EPM2A: variants seen among roughly 807,000 people sequenced by gnomAD.
The protein encoded by EPM2A is EPM2A glucan phosphatase, laforin, also known as laforin.
In EPM2A, 21 loss-of-function variants were observed where a neutral mutation model predicts 26.5. The observed-to-expected ratio is 0.79, with a 90% CI of 0.56 to 1.14. EPM2A has a LOEUF of 1.14. Ranked by LOEUF, EPM2A falls within the 50% of genes most tolerant of loss-of-function variation. EPM2A has a pLI of 0.00. For missense variants in EPM2A, 458 were observed against 440.8 expected (o/e 1.04, Z -0.35); for synonymous variants, 217 against 177.6 (o/e 1.22, Z -1.76).
intron 2 of EPM2A, among the ~76,000 whole-genome samples, chr6:145,549,660 C>A (rs2114802592): frequency 6.6e-6 from 1 of 152,236 alleles, no homozygotes; most frequent in African/African-American, 2.4e-5. Context: ...GGTAGCAGAG[C>A]TGAGCATAGG....
At chr6:145,735,033 A>T in intron 1 of EPM2A, 165 bp downstream of exon 1, 1 of 399,938 alleles carries the variant, frequency 2.5e-6, no homozygotes, top group Non-Finnish European at 4.3e-6. Flanking sequence ...TGGCCGGCAG[A>T]GCAGGGTCAG....
At chr6:145,563,989 A>C (rs1231851119) in intron 2 of EPM2A, among the ~76,000 whole-genome samples, 1 of 152,212 alleles carries the variant, frequency 6.6e-6, no homozygotes, top group East Asian at 1.9e-4. Flanking sequence ...ACAATGGTGT[A>C]GTATTTGCAT....
intron 2 of EPM2A, among the ~76,000 whole-genome samples, chr6:145,511,354 C>T (rs989185074): frequency 7.9e-5 from 12 of 152,184 alleles, no homozygotes; most frequent in African/African-American, 2.9e-4. Flanking sequence ...CAAAAATCCT[C>T]AGCAATATAC....
At chr6:145,561,375 G>A (rs2114814769) in intron 2 of EPM2A, among the ~76,000 whole-genome samples, 1 of 152,174 alleles carries the variant, frequency 6.6e-6, no homozygotes, top group East Asian at 1.9e-4. Flanking sequence ...TTCTCAGAAG[G>A]CATCCCCATT....
At chr6:145,724,505 T>C (rs1017431543) in intron 1 of EPM2A, among the ~76,000 whole-genome samples, 2 of 151,984 alleles carry the variant, frequency 1.3e-5, no homozygotes, top group African/African-American at 4.8e-5. Context: ...AGTCAACAAC[T>C]GAATCTAAAA....
chr6:145,385,549 T>C (rs1264415237), intron 4 of EPM2A, among the ~76,000 whole-genome samples: 2 of 152,182 alleles, frequency 1.3e-5, no homozygotes, highest in South Asian at 2.1e-4. Context: ...TTATGTTACA[T>C]AGCAAATACT....
intron 4 of EPM2A, among the ~76,000 whole-genome samples, chr6:145,467,946 A>G (rs1252154625): frequency 2.0e-5 from 3 of 151,980 alleles, no homozygotes; most frequent in African/African-American, 7.2e-5. Flanking sequence ...CTTAGTTTTA[A>G]TAGTTTTTTT....
At chr6:145,411,960 C>T (rs1240443025) in intron 4 of EPM2A, among the ~76,000 whole-genome samples, 1 of 152,102 alleles carries the variant, frequency 6.6e-6, no homozygotes, top group Admixed American at 6.5e-5. Context: ...TGGCTCAAGC[C>T]TGTAATCCCA....
Position 145,611,881 on chromosome 6 carries a change from TC to T in EPM2A, c.340+23363del, listed in dbSNP as rs1023335788. Among the ~76,000 whole-genome samples the T allele has an allele frequency of 8.5e-5, 13 of 152,128 alleles. 1 individual carries two copies. Among genetic ancestry groups the T allele is most frequent in the Non-Finnish European group, 1.5e-4 (10 of 67,988 alleles). On this transcript the variant is annotated intron_variant, in intron 2 of 3. Transcript: ENST00000450221. ...CTAGAAGAAGAAAAAAAAACACTTC[TC>T]CATCTGTGAAGTTTTAGATGCAGGG...
intron 1 of EPM2A, among the ~76,000 whole-genome samples, chr6:145,734,201 A>G (rs927504491): frequency 5.3e-5 from 8 of 152,248 alleles, no homozygotes; most frequent in African/African-American, 1.4e-4. Flanking sequence ...AAAGAACCTA[A>G]ATGCACATTG....
chr6:145,542,807 G>A lies in EPM2A; in HGVS notation c.341-40232C>T, dbSNP rs557723218. Among the ~76,000 whole-genome samples, 27 of 152,272 alleles carry A rather than the reference G, an allele frequency of 1.8e-4. No individual in the cohort carries two copies. In the South Asian group the frequency reaches 1.9e-3, roughly 11 times the overall value. On this transcript the variant is annotated intron_variant, in intron 2 of 3. Coordinates refer to the EPM2A transcript ENST00000450221. ...GAGTCTCACTCTTGTTGCCCAGGCTGGAGTACAATGGTGCAATCTCGGCTC... is the reference window on the plus strand; with the variant it reads ...GAGTCTCACTCTTGTTGCCCAGGCTAGAGTACAATGGTGCAATCTCGGCTC...
chr6:145,425,309 G>T (rs1778841302), intron 4 of EPM2A, among the ~76,000 whole-genome samples: 1 of 152,018 alleles, frequency 6.6e-6, no homozygotes, highest in Non-Finnish European at 1.5e-5. Flanking sequence ...GAGTAGCTGG[G>T]ATTACAGGCA....
intron 4 of EPM2A, among the ~76,000 whole-genome samples, chr6:145,390,261 A>G (rs890433117): frequency 6.6e-6 from 1 of 152,074 alleles, no homozygotes; most frequent in African/African-American, 2.4e-5. Flanking sequence ...CAGCCACACA[A>G]TGGAGACTAA....
At chr6:145,707,586 G>T (rs2128629767) in intron 1 of EPM2A, among the ~76,000 whole-genome samples, 1 of 152,222 alleles carries the variant, frequency 6.6e-6, no homozygotes, top group South Asian at 2.1e-4. Context: ...AGATCTGATG[G>T]TTTTATAAAA....
intron 1 of EPM2A, among the ~76,000 whole-genome samples, chr6:145,729,800 A>G (rs1776392199): frequency 6.6e-6 from 1 of 152,184 alleles, no homozygotes; most frequent in South Asian, 2.1e-4. Context: ...ACAGTGTGAG[A>G]AGGACAGGAG....
rs1447928429 is a variant in EPM2A, at chr6:145,513,216, A to G, written c.341-10641T>C. Among the ~76,000 whole-genome samples the G allele has an allele frequency of 2.0e-5, 3 of 152,360 alleles. No homozygotes were observed. In the East Asian group the frequency reaches 5.8e-4, roughly 29 times the overall value. ...ACTCAAACAACTCAACAAGAAAAAA[A>G]CAAACAACTTCATTAAAAACTTGGC... is the stretch of plus-strand genomic sequence containing the variant. On this transcript the variant is annotated intron_variant, in intron 2 of 3. Transcript: ENST00000450221.
At chr6:145,585,471 T>C (rs1208973720) in intron 2 of EPM2A, among the ~76,000 whole-genome samples, 2 of 152,174 alleles carry the variant, frequency 1.3e-5, no homozygotes, top group Admixed American at 6.5e-5. Flanking sequence ...ATGATCAAGT[T>C]CACTAGTCTT....
At chr6:145,632,746 T>C (rs1776359516) in intron 3 of EPM2A, among the ~76,000 whole-genome samples, 1 of 152,172 alleles carries the variant, frequency 6.6e-6, no homozygotes, top group African/African-American at 2.4e-5. Context: ...GTTCTAAAAA[T>C]ATTCAGCTGA....
intron 2 of EPM2A, among the ~76,000 whole-genome samples, chr6:145,649,683 G>A (rs1777736595): frequency 6.6e-6 from 1 of 152,126 alleles, no homozygotes; most frequent in Non-Finnish European, 1.5e-5. Context: ...TATAGCTCAT[G>A]GGCCAAATTC....
Sources: gnomAD v4.1 joint callset for allele counts (sites outside exome capture counted in the v4.1 genomes callset) on GRCh38, gnomAD v4.1.1 for gene constraint, MANE v1.5 for transcripts, NCBI Gene and HGNC (gene_info 2026-07-23, HGNC 2026-07-21) for gene names.